The following USP24 variants were observed in gnomAD, a reference collection of about 807,000 sequenced individuals.
USP24 encodes the protein ubiquitin specific peptidase 24.
In USP24, 97 loss-of-function variants were observed where a neutral mutation model predicts 361.6. The observed-to-expected ratio is 0.27, with a 90% CI of 0.23 to 0.32. The LOEUF is 0.32. Among genes scored for constraint, USP24 ranks in the 10% least tolerant of loss-of-function variants. USP24 has a pLI of 1.00. For synonymous variants in USP24, 1,098 were observed against 1,124.6 expected, an observed-to-expected ratio of 0.98 and a Z score of 0.47; for missense variants, 2,353 against 3,165.6, an observed-to-expected ratio of 0.74 and a Z score of 6.16.
At chr1:55,121,618 T>C in intron 36 of USP24, 112 bp from the exon 37 acceptor site, 1 of 833,590 alleles carries the variant, frequency 1.2e-6, no homozygotes, top group Non-Finnish European at 1.9e-6. Context: ...CTCTTTTACA[T>C]ACAATAATTC....
intron 34 of USP24, among the ~76,000 whole-genome samples, 153 bp from the exon 35 acceptor site, chr1:55,124,781 G>C (rs1205584724): frequency 6.6e-6 from 1 of 152,138 alleles, no homozygotes; most frequent in East Asian, 1.9e-4. Flanking sequence ...TCCTGCTCAA[G>C]GGCTTTCAAT....
At chr1:55,182,840 G>T (rs887926585) in intron 1 of USP24, among the ~76,000 whole-genome samples, 1 of 151,948 alleles carries the variant, frequency 6.6e-6, no homozygotes, top group African/African-American at 2.4e-5. Flanking sequence ...TCACCCTCCC[G>T]AGTAGCTGGG....
chr1:55,132,110 T>G (rs905147910), intron 31 of USP24, among the ~76,000 whole-genome samples: 1 of 152,202 alleles, frequency 6.6e-6, no homozygotes, highest in African/African-American at 2.4e-5. Context: ...TATTAAAGCT[T>G]CTTTTGGGGA....
rs1646775463 is a variant in USP24, at chr1:55,137,641, A to G, written c.3075T>C (p.Ser1025=). The G allele has an allele frequency of 6.2e-7, 1 of 1,613,268 alleles. No homozygotes were observed. The highest frequency in any genetic ancestry group is 1.6e-4 in the Middle Eastern group (1 of 6,062). Reference sequence around the variant, plus strand: ...TCTTCACTGTAAGGATTTGTTCATCAGAAAAGCCCAGTTGGTGGAGTAGCT... The same window carrying G: ...TCTTCACTGTAAGGATTTGTTCATCGGAAAAGCCCAGTTGGTGGAGTAGCT... ...DQKLLHQLGF[S]DEQILTVKTS... is the part of the protein sequence containing the mutation. The change falls in exon 28 of 68, where the codon TCT becomes TCC. Residue 1025 remains serine, a synonymous_variant. Coordinates refer to ENST00000294383, the MANE Select transcript of USP24 (RefSeq NM_015306.3).
intron 53 of USP24, 26 bp from the exon 54 acceptor site, chr1:55,092,152 A>G (rs372337273): frequency 1.3e-4 from 202 of 1,532,252 alleles, no homozygotes; most frequent in South Asian, 2.0e-4. Flanking sequence ...ATGAAAGAGG[A>G]TATTTTTCAC....
intron 1 of USP24, among the ~76,000 whole-genome samples, chr1:55,192,281 A>G (rs1644310503): frequency 1.3e-5 from 2 of 152,236 alleles, no homozygotes; most frequent in Admixed American, 1.3e-4. Context: ...CTGGGGAGGT[A>G]CCTACCACCT....
In USP24 at chr1:55,138,607, C is replaced by G; in HGVS notation, c.2928+1G>C. On this transcript the variant is annotated splice_donor_variant, in intron 26 of 67. Transcript: ENST00000294383. LOFTEE classifies it high-confidence loss of function. ...GGCTGTAGTTCTTAATGTAAACCTA[C>G]CTCGACAGTGAAGGTATCTTTGGTA... 6.2e-7 allele frequency: 1 copy of G among 1,602,984 alleles called. No homozygotes were observed. Among genetic ancestry groups the G allele is most frequent in the Non-Finnish European group, 8.5e-7 (1 of 1,172,278 alleles).
At chr1:55,154,342 A>T (rs953500557) in intron 14 of USP24, 29 bp downstream of exon 14, 1 of 1,558,154 alleles carries the variant, frequency 6.4e-7, no homozygotes, top group Non-Finnish European at 8.7e-7. Flanking sequence ...GAGCATTTGT[A>T]GCTAGAAAAA....
At chr1:55,096,925 G>GT in intron 49 of USP24, 27 bp downstream of exon 49, 5 of 1,603,574 alleles carry the variant, frequency 3.1e-6, no homozygotes, top group Admixed American at 1.7e-5. Context: ...CAGAAAGTGA[G>GT]TAAGTGCTGC....
chr1:55,179,707 CT>C (rs1335134932), intron 1 of USP24, among the ~76,000 whole-genome samples: 1 of 152,036 alleles, frequency 6.6e-6, no homozygotes, highest in African/African-American at 2.4e-5. Context: ...TCATACATTT[CT>C]CTCCAATTCC....
chr1:55,081,808 C>T (rs1301529956), intron 58 of USP24, among the ~76,000 whole-genome samples: 2 of 152,228 alleles, frequency 1.3e-5, no homozygotes, highest in Admixed American at 6.5e-5. Flanking sequence ...GGTAAGGCTA[C>T]CTGCCACCTC....
chr1:55,091,621 T>C (rs1414983864), intron 54 of USP24, among the ~76,000 whole-genome samples: 2 of 152,152 alleles, frequency 1.3e-5, no homozygotes, highest in African/African-American at 4.8e-5. Context: ...TAAAACACAA[T>C]TAGTCACTCA....
At chr1:55,103,808 G>A in intron 42 of USP24, 68 bp downstream of exon 42, 2 of 1,510,968 alleles carry the variant, frequency 1.3e-6, no homozygotes, top group Non-Finnish European at 8.9e-7. Flanking sequence ...TGCAAATACA[G>A]TCTTAAAATT....
At chr1:55,123,752 T>C (rs925471583) in intron 35 of USP24, 150 bp from the exon 36 acceptor site, 26 of 764,656 alleles carry the variant, frequency 3.4e-5, no homozygotes, top group Middle Eastern at 7.6e-4. Flanking sequence ...TTTAATACTG[T>C]ATTTGAAACA....
At chr1:55,214,037 T>C (rs1644916791) in intron 1 of USP24, among the ~76,000 whole-genome samples, 1 of 151,856 alleles carries the variant, frequency 6.6e-6, no homozygotes, top group Admixed American at 6.6e-5. Context: ...ATCTTCCAAT[T>C]CCAGTCCCCA....
At chr1:55,071,987 C>T in intron 66 of USP24, 63 bp from the exon 67 acceptor site, 1 of 1,394,634 alleles carries the variant, frequency 7.2e-7, no homozygotes, top group Non-Finnish European at 9.9e-7. Flanking sequence ...CAGCAACCGC[C>T]AGGGAAGACT....
Position 55,093,951 on chromosome 1 carries a change from C to T in USP24, c.6340G>A (p.Ala2114Thr). The T allele has an allele frequency of 6.2e-7, 1 of 1,613,672 alleles. No individual in the cohort carries two copies. Among genetic ancestry groups the T allele is most frequent in the Non-Finnish European group, 8.5e-7 (1 of 1,179,832 alleles). Residue 2114 changes from alanine to threonine, a missense_variant, in exon 52 of 68, where the codon GCT becomes ACT. By Grantham distance (58) the Ala-to-Thr change is moderately conservative. Coordinates refer to ENST00000294383, the MANE Select transcript of USP24 (RefSeq NM_015306.3). Reference protein sequence around the residue: ...KKGLFVEKMPARIYQMVRDEN... With the variant: ...KKGLFVEKMPTRIYQMVRDEN... ...ATGGTTCTTACCTGGTATATTCGAG[C>T]AGGCATTTTCTCCACAAACAGTCCT...
chr1:55,188,489 T>C (rs1644194953), intron 1 of USP24, among the ~76,000 whole-genome samples: 1 of 151,118 alleles, frequency 6.6e-6, no homozygotes, highest in South Asian at 2.1e-4. Flanking sequence ...AAAAAAAACC[T>C]TACAACTCAA....
intron 1 of USP24, among the ~76,000 whole-genome samples, chr1:55,195,328 A>C (rs1644387965): frequency 6.6e-6 from 1 of 152,088 alleles, no homozygotes; most frequent in African/African-American, 2.4e-5. Context: ...ATAAATTCCT[A>C]CTTCTTCAAA....
Sources: gnomAD v4.1 joint callset for allele counts (sites outside exome capture counted in the v4.1 genomes callset) on GRCh38, gnomAD v4.1.1 for gene constraint, MANE v1.5 for transcripts, NCBI Gene and HGNC (gene_info 2026-07-23, HGNC 2026-07-21) for gene names.